GDPD1: variants seen among roughly 807,000 people sequenced by gnomAD.
The protein encoded by GDPD1 is lysophospholipase D GDPD1.
A neutral mutation model predicts 45.1 loss-of-function variants in GDPD1; 28 were observed. The ratio of observed to expected loss-of-function variants is 0.62; its 90% CI spans 0.46 to 0.85. The LOEUF (loss-of-function observed/expected upper bound fraction) is 0.85. Ranked by LOEUF, GDPD1 falls within the 40% of genes least tolerant of loss-of-function variation. GDPD1 has a pLI of 0.00. For missense variants in GDPD1, 256 were observed against 364.8 expected (o/e 0.70, Z 2.43); for synonymous variants, 139 against 131.4 (o/e 1.06, Z -0.40).
chr17:59,256,490 G>T (rs909743386), intron 4 of GDPD1, among the ~76,000 whole-genome samples: 9 of 151,894 alleles, frequency 5.9e-5, no homozygotes, highest in Admixed American at 4.6e-4. Flanking sequence ...TACTTCCCTT[G>T]CCTGAATGTT....
intron 4 of GDPD1, among the ~76,000 whole-genome samples, chr17:59,254,032 C>A (rs889945887): frequency 6.8e-6 from 1 of 147,608 alleles, no homozygotes; most frequent in Admixed American, 6.8e-5. Flanking sequence ...GCCAACCTGG[C>A]CAACAAAGCA....
intron 2 of GDPD1, among the ~76,000 whole-genome samples, chr17:59,235,934 A>G (rs1251718550): frequency 2.6e-5 from 4 of 152,156 alleles, no homozygotes; most frequent in African/African-American, 7.2e-5. Flanking sequence ...CTAGCTAGCC[A>G]TAACTAAATA....
intron 4 of GDPD1, among the ~76,000 whole-genome samples, chr17:59,251,454 G>A (rs913451026): frequency 6.6e-6 from 1 of 151,908 alleles, no homozygotes; most frequent in African/African-American, 2.4e-5. Flanking sequence ...GGGAGGCAGA[G>A]GTTGCAGTGA....
intron 7 of GDPD1, among the ~76,000 whole-genome samples, chr17:59,269,780 G>A (rs895985356): frequency 1.1e-4 from 17 of 151,830 alleles, no homozygotes; most frequent in Non-Finnish European, 2.1e-4. Flanking sequence ...CCGAGATAGC[G>A]CCATTGCACT....
chr17:59,261,932 T>C (rs1448064286), intron 6 of GDPD1, among the ~76,000 whole-genome samples: 1 of 139,154 alleles, frequency 7.2e-6, no homozygotes, highest in Non-Finnish European at 1.5e-5. Flanking sequence ...TTTTTTTTTT[T>C]TTTGAGACGG....
intron 2 of GDPD1, among the ~76,000 whole-genome samples, chr17:59,236,790 G>A (rs1208931545): frequency 2.0e-5 from 3 of 152,064 alleles, no homozygotes; most frequent in East Asian, 1.9e-4. Flanking sequence ...GATTACAGGC[G>A]TGAGCCACCG....
rs558215415 is a variant in GDPD1, at chr17:59,273,656, T to C, written c.828T>C (p.Tyr276=). Residue 276 remains tyrosine (Y), a synonymous_variant, in exon 10 of 10, where the codon TAT becomes TAC. Transcript: ENST00000284116. ...CTCACACTTCTAATTTTCAGGTGTA[T>C]ATTTGGGTATTAAATGAAGAACAAG... ...DHLTARGIQV[Y]IWVLNEEQEY... 2 of 1,491,994 alleles carry C rather than the reference T, an allele frequency of 1.3e-6. No homozygotes were observed. Among genetic ancestry groups the C allele is most frequent in the Admixed American group, 1.8e-5 (1 of 55,388 alleles). The allele number at this position is 1,491,994 out of a possible 1,614,324, so 92.4% of individuals were successfully genotyped here. A position where few individuals can be genotyped will look rare whatever the true frequency, so the allele number is the denominator to read the frequency against.
At chr17:59,255,755 AAAAAAAAAT>A (rs1390564542) in intron 4 of GDPD1, among the ~76,000 whole-genome samples, 9 of 87,524 alleles carry the variant, frequency 1.0e-4, no homozygotes, top group African/African-American at 4.9e-4. Context: ...AAAAAAAAAA[AAAAAAAAAT>A]ATATATATAT....
chr17:59,225,090 CTT>C (rs796851725), intron 1 of GDPD1, among the ~76,000 whole-genome samples: 17,437 of 112,568 alleles, frequency 0.15, 624 homozygotes, highest in East Asian at 0.19. Flanking sequence ...TCTTTCTTTT[CTT>C]TTTTTTTTTT....
chr17:59,256,779 G>A (rs1056696109), intron 4 of GDPD1, among the ~76,000 whole-genome samples: 11 of 152,126 alleles, frequency 7.2e-5, no homozygotes, highest in African/African-American at 2.7e-4. Context: ...ACAATTGATT[G>A]TGAATCTGTA....
chr17:59,249,583 G>A (rs1009520713), intron 4 of GDPD1, among the ~76,000 whole-genome samples: 1 of 152,078 alleles, frequency 6.6e-6, no homozygotes, highest in Non-Finnish European at 1.5e-5. Flanking sequence ...TCTTCAGTTA[G>A]CTGTTTTCTT....
At position 59,275,825 on chromosome 17, in the gene GDPD1, T is replaced by G. The variant is rs1300037326; in HGVS notation, c.*2052T>G. On this transcript the variant is annotated 3_prime_UTR_variant, in exon 10 of 10. Transcript: ENST00000284116. Reference sequence around the variant, plus strand: ...GGTAAATGTAATCTGGAATAATAAGTGTCTTTTACCTAGATTACATCTCTC... The same window carrying G: ...GGTAAATGTAATCTGGAATAATAAGGGTCTTTTACCTAGATTACATCTCTC... The G allele has an allele frequency of 6.6e-6, 1 of 152,308 alleles. No individual in the cohort carries two copies. Among genetic ancestry groups the G allele is most frequent in the African/African-American group, 2.4e-5 (1 of 41,464 alleles). The allele number at this position is 152,308 out of a possible 1,614,324, so 9.4% of individuals were successfully genotyped here.
chr17:59,249,080 C>A (rs1243434423), intron 4 of GDPD1: 3 of 204,690 alleles, frequency 1.5e-5, no homozygotes, highest in Non-Finnish European at 2.9e-5. Flanking sequence ...AGTCATCCAT[C>A]AAAAAATATA....
chr17:59,235,740 C>A (rs1263145076), intron 2 of GDPD1, among the ~76,000 whole-genome samples: 1 of 151,716 alleles, frequency 6.6e-6, no homozygotes. Flanking sequence ...TTGCTTGAAC[C>A]CGAGAGGCAG....
intron 6 of GDPD1, among the ~76,000 whole-genome samples, chr17:59,262,629 G>GTTTT (rs144444466): frequency 1.5e-5 from 2 of 131,206 alleles, no homozygotes; most frequent in African/African-American, 2.7e-5. Flanking sequence ...TCTTGGTTTT[G>GTTTT]TTTTTTTTTG....
chr17:59,255,763 ATATAT>A (rs1345662102), intron 4 of GDPD1, among the ~76,000 whole-genome samples: 1 of 44,856 alleles, frequency 2.2e-5, no homozygotes, highest in Non-Finnish European at 3.8e-5. Context: ...AAAAAAAAAA[ATATAT>A]ATATATATAT....
intron 4 of GDPD1, 22 bp from the exon 5 acceptor site, chr17:59,257,100 T>C (rs2047314752): frequency 1.6e-6 from 2 of 1,226,802 alleles, no homozygotes; most frequent in South Asian, 2.6e-5. Context: ...AAAAAATACA[T>C]TTAAAAATCT....
rs1452550257 is a variant in GDPD1 at position 59,245,551 on chromosome 17, TA to T, written c.321+4del. The stretch of plus-strand genomic sequence containing the variant: ...AACATCTCTGATCTCAAATACTGTG[TA>T]AGTAAAAATGCATGATAAACTAATA... On this transcript the variant is annotated splice_donor_region_variant and intron_variant, in intron 3 of 9. Coordinates refer to ENST00000284116, the MANE Select transcript of GDPD1 (RefSeq NM_182569.4). 1 of 1,597,772 alleles carries T rather than the reference TA, an allele frequency of 6.3e-7. No homozygotes were observed. The highest frequency in any genetic ancestry group is 1.8e-5 in the Admixed American group (1 of 56,942).
intron 7 of GDPD1, among the ~76,000 whole-genome samples, chr17:59,267,516 A>G (rs2047407683): frequency 6.6e-6 from 1 of 152,100 alleles, no homozygotes. Context: ...TGACAGCTTT[A>G]CCCAGCTCAA....
Sources: allele counts gnomAD v4.1 joint callset (sites outside exome capture counted in the v4.1 genomes callset), GRCh38; gene constraint gnomAD v4.1.1; transcripts MANE v1.5; gene names NCBI Gene and HGNC (gene_info 2026-07-23, HGNC 2026-07-21).